Variants in NALF1 observed in about 807,000 individuals in gnomAD.
NALF1 encodes the protein NALCN channel auxiliary factor 1.
Under a neutral mutation model 48.4 loss-of-function variants are expected in NALF1, and 3 were observed. That is an observed-to-expected ratio of 0.06 (90% confidence interval 0.03 to 0.16). The LOEUF is 0.16. NALF1 is among the 10% of genes least tolerant of loss of function. NALF1 has a pLI of 1.00. For synonymous variants in NALF1, 262 were observed against 245.7 expected, an observed-to-expected ratio of 1.07 and a Z score of -0.62; for missense variants, 526 against 571.5, an observed-to-expected ratio of 0.92 and a Z score of 0.81.
intron 1 of NALF1, among the ~76,000 whole-genome samples, chr13:107,675,731 T>C (rs1881102549): frequency 6.6e-6 from 1 of 152,196 alleles, no homozygotes; most frequent in South Asian, 2.1e-4. Flanking sequence ...ATACTGGTAT[T>C]AGCGCATGTC....
In NALF1 at chr13:107,411,389, G is replaced by A. The variant is rs545419410; in HGVS notation, c.916-200634C>T. Among the ~76,000 whole-genome samples, 6 of 149,976 alleles carry A rather than the reference G, an allele frequency of 4.0e-5. No individual in the cohort carries two copies. In the South Asian group the frequency reaches 1.3e-3, roughly 32 times the overall value. ...TGCAAATGGGAGATCATGGCTCACT[G>A]CACCCTTGACCTCCTATGCTCAAGT... On this transcript the variant is annotated intron_variant, in intron 1 of 2. Coordinates refer to ENST00000375915, the MANE Select transcript of NALF1 (RefSeq NM_001080396.3).
At chr13:107,725,185 C>A (rs1876112767) in intron 1 of NALF1, among the ~76,000 whole-genome samples, 1 of 152,148 alleles carries the variant, frequency 6.6e-6, no homozygotes, top group East Asian at 1.9e-4. Flanking sequence ...TAACTTAAGA[C>A]AAATCCTTCA....
intron 1 of NALF1, among the ~76,000 whole-genome samples, chr13:107,494,463 A>T (rs1875256762): frequency 6.6e-6 from 1 of 152,182 alleles, no homozygotes; most frequent in East Asian, 1.9e-4. Context: ...ACTGCTTTTC[A>T]TCTCGAGTAG....
intron 1 of NALF1, among the ~76,000 whole-genome samples, chr13:107,360,909 C>T (rs1321418724): frequency 6.6e-6 from 1 of 152,028 alleles, no homozygotes; most frequent in Non-Finnish European, 1.5e-5. Context: ...GCTAATAAAG[C>T]CTACTATTTT....
At chr13:107,665,805 G>GA (rs1880844113) in intron 1 of NALF1, among the ~76,000 whole-genome samples, 1 of 152,052 alleles carries the variant, frequency 6.6e-6, no homozygotes, top group Non-Finnish European at 1.5e-5. Context: ...AGATAAAAAT[G>GA]AAAAAGATAA....
chr13:107,252,443 AGAGG>A (rs771939281), intron 1 of NALF1, among the ~76,000 whole-genome samples: 3 of 151,708 alleles, frequency 2.0e-5, no homozygotes, highest in East Asian at 3.9e-4. Flanking sequence ...AAGGAGAAAG[AGAGG>A]GACAGACACA....
rs116742502 is a variant in NALF1 at position 107,254,619 on chromosome 13, C to G, written c.916-43864G>C. 7.2e-3 allele frequency among the ~76,000 whole-genome samples: 1,089 copies of G among 152,208 alleles called. 13 individuals are homozygous for G. The highest frequency in any genetic ancestry group is 0.025 in the African/African-American group (1,038 of 41,528). ...GAATCACCAAATATTTGGTATCTGC[C>G]CACTTGTAAGCCTTGCCCTGGGTAA... On this transcript the variant is annotated intron_variant, in intron 1 of 2. Transcript: ENST00000375915.
intron 1 of NALF1, among the ~76,000 whole-genome samples, chr13:107,427,592 A>G (rs1174269321): frequency 6.6e-6 from 1 of 152,206 alleles, no homozygotes; most frequent in East Asian, 1.9e-4. Flanking sequence ...TAAGGTTGCA[A>G]AAAGAAAAGA....
intron 2 of NALF1, among the ~76,000 whole-genome samples, chr13:107,189,302 ATTG>A (rs914241002): frequency 6.6e-6 from 1 of 152,222 alleles, no homozygotes; most frequent in Non-Finnish European, 1.5e-5. Context: ...CACATTTCAC[ATTG>A]TTATTTTCCC....
intron 1 of NALF1, among the ~76,000 whole-genome samples, chr13:107,846,475 C>T (rs1177100651): frequency 1.3e-5 from 2 of 152,160 alleles, no homozygotes; most frequent in African/African-American, 4.8e-5. Flanking sequence ...TCCAGCCTGC[C>T]TCAGTACTCC....
chr13:107,256,554 A>G (rs977229370), intron 1 of NALF1, among the ~76,000 whole-genome samples: 5 of 152,238 alleles, frequency 3.3e-5, no homozygotes, highest in African/African-American at 1.2e-4. Context: ...TTCAAAAACC[A>G]TCACCTAATT....
chr13:107,396,411 C>T (rs757654996), intron 1 of NALF1, among the ~76,000 whole-genome samples: 1 of 152,124 alleles, frequency 6.6e-6, no homozygotes, highest in Non-Finnish European at 1.5e-5. Context: ...GGGAAGTGCC[C>T]CTGTGTTCGT....
intron 1 of NALF1, among the ~76,000 whole-genome samples, chr13:107,324,721 G>A (rs1882318623): frequency 6.6e-6 from 1 of 152,070 alleles, no homozygotes; most frequent in Admixed American, 6.6e-5. Flanking sequence ...ATGAAACAGT[G>A]GCCAAACTTT....
intron 1 of NALF1, among the ~76,000 whole-genome samples, chr13:107,727,194 A>T (rs1327115077): frequency 1.3e-5 from 2 of 152,176 alleles, no homozygotes; most frequent in African/African-American, 4.8e-5. Flanking sequence ...GAGAAGCCCA[A>T]GGCACAGCTT....
At chr13:107,415,283 T>C (rs1412655844) in intron 1 of NALF1, among the ~76,000 whole-genome samples, 1 of 152,182 alleles carries the variant, frequency 6.6e-6, no homozygotes, top group Non-Finnish European at 1.5e-5. Context: ...AATCAAAGAA[T>C]ATATACACTT....
intron 1 of NALF1, among the ~76,000 whole-genome samples, chr13:107,394,815 G>T (rs1223013257): frequency 1.3e-5 from 2 of 152,040 alleles, no homozygotes; most frequent in African/African-American, 4.8e-5. Flanking sequence ...GCAGCCAAAA[G>T]ATGGCCTGGA....
In NALF1 at chr13:107,866,899, G is replaced by GGA. The variant is rs35939139; in HGVS notation, c.-305_-304dup. ...CCTCTGTAGAGTGGGAAACAATAAT[G>GGA]GAGAGAGAGAGAGAGAGAGAGACGG... On this transcript the variant is annotated 5_prime_UTR_variant, in exon 1 of 3. Coordinates refer to ENST00000375915, the MANE Select transcript of NALF1 (RefSeq NM_001080396.3). This position sits in a 1 kb window ranked among gnomAD's most constrained non-coding sequence, Gnocchi z 4.4. Among the ~76,000 whole-genome samples, 977 of 149,888 alleles carry GGA rather than the reference G, an allele frequency of 6.5e-3. 3 individuals are homozygous for GGA. The highest frequency in any genetic ancestry group is 0.02 in the African/African-American group (796 of 40,808).
chr13:107,584,162 A>G (rs1482731678), intron 1 of NALF1, among the ~76,000 whole-genome samples: 1 of 152,156 alleles, frequency 6.6e-6, no homozygotes, highest in Non-Finnish European at 1.5e-5. Context: ...TGAAATATGC[A>G]TTTTCTGAAA....
chr13:107,488,277 T>C (rs566574359), intron 1 of NALF1, among the ~76,000 whole-genome samples: 1 of 152,092 alleles, frequency 6.6e-6, no homozygotes, highest in Non-Finnish European at 1.5e-5. Context: ...TCTCCTTCAG[T>C]TCAGCTCTGA....
Sources: allele counts gnomAD v4.1 joint callset (sites outside exome capture counted in the v4.1 genomes callset), GRCh38; gene constraint gnomAD v4.1.1; non-coding constraint Gnocchi (gnomAD v3.1); transcripts MANE v1.5; gene names NCBI Gene and HGNC (gene_info 2026-07-23, HGNC 2026-07-21).